CPNE2: variants seen among roughly 807,000 people sequenced by gnomAD.
CPNE2 encodes the protein copine-2.
In CPNE2, 42 loss-of-function variants were observed where a neutral mutation model predicts 69.7. The observed-to-expected ratio is 0.60, with a 90% CI of 0.47 to 0.78. CPNE2 has a LOEUF of 0.78. Among genes scored for constraint, CPNE2 ranks in the 30% least tolerant of loss-of-function variants. CPNE2 has a pLI of 0.00. For missense variants in CPNE2, 587 were observed against 732.0 expected, an observed-to-expected ratio of 0.80 and a Z score of 2.29; for synonymous variants, 294 against 289.8, an observed-to-expected ratio of 1.01 and a Z score of -0.15.
chr16:57,146,054 G>A lies in CPNE2; in HGVS notation c.1303-31G>A. On this transcript the variant is annotated intron_variant, in intron 14 of 15. Coordinates refer to ENST00000290776, the MANE Select transcript of CPNE2 (RefSeq NM_152727.6). This position sits in a 1 kb window ranked among gnomAD's most constrained non-coding sequence, Gnocchi z 4.4. ...GAAGGGGTGCCAGAGCCTCGACCTT[G>A]CTGAGTGCCCCGTTGGCCCCCTCCC... 1 of 1,576,526 alleles carries A rather than the reference G, an allele frequency of 6.3e-7. No homozygotes were observed. The highest frequency in any genetic ancestry group is 8.7e-7 in the Non-Finnish European group (1 of 1,153,492).
chr16:57,121,288 C>A, intron 8 of CPNE2, 97 bp downstream of exon 8: 2 of 976,380 alleles, frequency 2.0e-6, no homozygotes, highest in South Asian at 1.6e-5. Flanking sequence ...TGAGATCCCC[C>A]TTCTGGCTGC....
chr16:57,110,603 C>A, intron 1 of CPNE2, 105 bp from the exon 2 acceptor site: 1 of 634,236 alleles, frequency 1.6e-6, no homozygotes, highest in Non-Finnish European at 2.5e-6. Flanking sequence ...ATTTGCCTTC[C>A]ATCTCTCCAC....
At position 57,094,071 on chromosome 16, in the gene CPNE2, T is replaced by C. The variant is rs571579343; in HGVS notation, c.-36+1281T>C. 6.6e-6 allele frequency: 3 copies of C among 456,696 alleles called. No homozygotes were observed. In the Admixed American group the frequency reaches 7.0e-5, roughly 11 times the overall value. 28.3% of individuals were successfully genotyped at this position (456,696 alleles called of 1,614,324 possible). ...AGCATGAAGGCGTGGTTTTATGGCA[T>C]TCCGCCTGGCATAGGTCCAGGTGAG... is the stretch of plus-strand genomic sequence containing the variant. On this transcript the variant is annotated intron_variant, in intron 1 of 15. Transcript: ENST00000290776.
chr16:57,120,191 T>TG (rs1165824151), intron 7 of CPNE2, among the ~76,000 whole-genome samples: 1 of 151,442 alleles, frequency 6.6e-6, no homozygotes, highest in Admixed American at 6.6e-5. Context: ...GAGAATCACT[T>TG]GAATGTGGGA....
chr16:57,114,944 A>C (rs1237441384), intron 3 of CPNE2, among the ~76,000 whole-genome samples: 4 of 148,852 alleles, frequency 2.7e-5, no homozygotes, highest in Non-Finnish European at 3.0e-5. Context: ...CAAAAAAAAA[A>C]AAAAAAAAAA....
chr16:57,122,522 A>G (rs746553457), intron 9 of CPNE2, among the ~76,000 whole-genome samples: 1 of 152,230 alleles, frequency 6.6e-6, no homozygotes, highest in Non-Finnish European at 1.5e-5. Flanking sequence ...CATCATTCAC[A>G]TCACTTTTCA....
chr16:57,117,924 C>T (rs2069731953), intron 5 of CPNE2, among the ~76,000 whole-genome samples: 1 of 152,118 alleles, frequency 6.6e-6, no homozygotes. Context: ...CTGCTTCAGC[C>T]AAACCTAGCC....
intron 1 of CPNE2, among the ~76,000 whole-genome samples, chr16:57,097,385 A>G (rs544395378): frequency 2.0e-5 from 3 of 152,102 alleles, no homozygotes; most frequent in Non-Finnish European, 2.9e-5. Context: ...ACATCTGTTG[A>G]ACAACCAAAT....
rs116428824 is a variant in CPNE2, at chr16:57,121,783, G to A, written c.867+23G>A. 3.3e-3 allele frequency: 5,341 copies of A among 1,609,668 alleles called. 140 individuals are homozygous for A. The African/African-American group carries it at 0.061, about 18-fold the overall frequency. On this transcript the variant is annotated intron_variant, in intron 9 of 15. Coordinates refer to ENST00000290776, the MANE Select transcript of CPNE2 (RefSeq NM_152727.6). Reference sequence around the variant, plus strand: ...AAGGTGAACCAGCGTGGGCAAGCACGAGCCAGGGGCCAGGTTTCAGGCCAC... The same window carrying A: ...AAGGTGAACCAGCGTGGGCAAGCACAAGCCAGGGGCCAGGTTTCAGGCCAC...
In CPNE2 at chr16:57,134,766, G is replaced by T; in HGVS notation, c.1117-9G>T. Reference sequence around the variant, plus strand: ...GAGGCTGCAGCTCAGCGTTTTCTCTGCGTTTCAGGTCTCCCATGAGTTTGC... The same window carrying T: ...GAGGCTGCAGCTCAGCGTTTTCTCTTCGTTTCAGGTCTCCCATGAGTTTGC... On this transcript the variant is annotated splice_polypyrimidine_tract_variant and intron_variant, in intron 12 of 15. Coordinates refer to ENST00000290776, the MANE Select transcript of CPNE2 (RefSeq NM_152727.6). 1.2e-6 allele frequency: 2 copies of T among 1,613,926 alleles called. No individual in the cohort carries two copies. Among genetic ancestry groups the T allele is most frequent in the Non-Finnish European group, 1.7e-6 (2 of 1,179,918 alleles).
chr16:57,111,780 T>C (rs2069683382), intron 2 of CPNE2, among the ~76,000 whole-genome samples: 1 of 152,256 alleles, frequency 6.6e-6, no homozygotes, highest in Admixed American at 6.5e-5. Context: ...CAAGGACTTC[T>C]GAGCTGGAAG....
chr16:57,127,834 T>C lies in CPNE2; in HGVS notation c.1062-15T>C. On this transcript the variant is annotated splice_polypyrimidine_tract_variant and intron_variant, in intron 11 of 15. Coordinates refer to ENST00000290776, the MANE Select transcript of CPNE2 (RefSeq NM_152727.6). ...CAGGTGTCTTACAGTGTGTTTCTCTTCTCTCTCTGATTAGTGATAAGATGT... is the reference window on the plus strand; with the variant it reads ...CAGGTGTCTTACAGTGTGTTTCTCTCCTCTCTCTGATTAGTGATAAGATGT... 1 of 1,612,442 alleles carries C rather than the reference T, an allele frequency of 6.2e-7. No individual in the cohort carries two copies. Among genetic ancestry groups the C allele is most frequent in the South Asian group, 1.1e-5 (1 of 91,068 alleles).
At position 57,148,345 on chromosome 16, in the gene CPNE2, A is replaced by C. The variant is rs1001213997; in HGVS notation, c.*687A>C. On this transcript the variant is annotated 3_prime_UTR_variant, in exon 16 of 16. Coordinates refer to ENST00000290776, the MANE Select transcript of CPNE2 (RefSeq NM_152727.6). Reference sequence around the variant, plus strand: ...CCTGGCACATTGTACAAACTCAATAAATATTCATGGATGAATAGAATGAAT... The same window carrying C: ...CCTGGCACATTGTACAAACTCAATACATATTCATGGATGAATAGAATGAAT... 2.6e-5 allele frequency: 4 copies of C among 152,206 alleles called. No homozygotes were observed. Among genetic ancestry groups the C allele is most frequent in the Non-Finnish European group, 4.4e-5 (3 of 68,044 alleles). The allele number at this position is 152,206 out of a possible 1,614,324, so 9.4% of individuals were successfully genotyped here.
chr16:57,118,443 G>T (rs925967897), intron 5 of CPNE2, among the ~76,000 whole-genome samples: 2 of 151,884 alleles, frequency 1.3e-5, no homozygotes, highest in African/African-American at 4.8e-5. Flanking sequence ...AAAGTGCTGG[G>T]ATTACAGGCT....
Position 57,146,159 on chromosome 16 carries a change from G to A in CPNE2, c.1377G>A (p.Gln459=). The A allele has an allele frequency of 6.3e-7, 1 of 1,587,664 alleles. No homozygotes were observed. Among genetic ancestry groups the A allele is most frequent in the Middle Eastern group, 1.7e-4 (1 of 6,036 alleles). Residue 459 remains glutamine (Q), a synonymous_variant, in exon 15 of 16, where the codon CAG becomes CAA. Coordinates refer to ENST00000290776, the MANE Select transcript of CPNE2 (RefSeq NM_152727.6). This position sits in a 1 kb window ranked among gnomAD's most constrained non-coding sequence, Gnocchi z 4.4. ...AGGAGACACGGCATGCCGTGGTGCA[G>A]GCTTCCAAGCTGCCCATGTCCATCA... ...DMEETRHAVV[Q]ASKLPMSIII... is the part of the protein sequence containing the mutation.
intron 1 of CPNE2, chr16:57,106,086 G>C (rs773137716): frequency 6.5e-6 from 1 of 153,842 alleles, no homozygotes; most frequent in Non-Finnish European, 1.4e-5. Flanking sequence ...CTGGGCTGGC[G>C]CAGAGGGACC....
chr16:57,147,343 A>G (rs1331086999), intron 15 of CPNE2: 4 of 408,416 alleles, frequency 9.8e-6, no homozygotes, highest in Admixed American at 8.5e-5. Flanking sequence ...ACCTAACCTA[A>G]AGGAAGGCAC....
intron 8 of CPNE2, 56 bp from the exon 9 acceptor site, chr16:57,121,618 G>T: frequency 6.5e-7 from 1 of 1,529,646 alleles, no homozygotes. Context: ...CCAAGGAGGA[G>T]GATCTGTTTC....
intron 2 of CPNE2, among the ~76,000 whole-genome samples, chr16:57,112,493 C>T (rs573643239): frequency 2.6e-5 from 4 of 152,286 alleles, no homozygotes; most frequent in East Asian, 1.9e-4. Context: ...AGACCTCCTC[C>T]GTCCCTGCTG....
Sources: allele counts gnomAD v4.1 joint callset (sites outside exome capture counted in the v4.1 genomes callset), GRCh38; gene constraint gnomAD v4.1.1; non-coding constraint Gnocchi (gnomAD v3.1); transcripts MANE v1.5; gene names NCBI Gene and HGNC (gene_info 2026-07-23, HGNC 2026-07-21).